Variants in PLEKHH2 observed in about 807,000 individuals in gnomAD.
The protein encoded by PLEKHH2 is pleckstrin homology, MyTH4 and FERM domain containing H2.
A neutral mutation model predicts 187.9 loss-of-function variants in PLEKHH2; 129 were observed. That is an observed-to-expected ratio of 0.69 (90% CI 0.59 to 0.79). The LOEUF (loss-of-function observed/expected upper bound fraction) is 0.79. Ranked by LOEUF, PLEKHH2 falls within the 30% of genes least tolerant of loss-of-function variation. The probability of loss-of-function intolerance (pLI) is 0.00; values close to 1 mark genes in which losing one functional copy is unlikely to be tolerated. For missense variants in PLEKHH2, 2,076 were observed against 1,751.2 expected, an observed-to-expected ratio of 1.19 and a Z score of -3.31; for synonymous variants, 686 against 605.6, an observed-to-expected ratio of 1.13 and a Z score of -1.95.
intron 10 of PLEKHH2, among the ~76,000 whole-genome samples, chr2:43,707,196 C>CAAAA (rs60819579): frequency 0.27 from 24,064 of 87,538 alleles, 3,593 homozygotes; most frequent in African/African-American, 0.39. Flanking sequence ...GACTCCACCT[C>CAAAA]AAAAAAAAAA....
chr2:43,658,178 T>C (rs1666886410), intron 2 of PLEKHH2, among the ~76,000 whole-genome samples: 2 of 152,244 alleles, frequency 1.3e-5, no homozygotes, highest in African/African-American at 4.8e-5. Flanking sequence ...TCTTTCAGCA[T>C]AATTGTGCTA....
At chr2:43,725,785 G>A (rs1670707959) in intron 16 of PLEKHH2, among the ~76,000 whole-genome samples, 1 of 152,044 alleles carries the variant, frequency 6.6e-6, no homozygotes, top group South Asian at 2.1e-4. Context: ...TTACACTGTG[G>A]ATAATCAAAT....
chr2:43,700,905 C>T (rs1669332077), intron 8 of PLEKHH2, among the ~76,000 whole-genome samples: 3 of 152,198 alleles, frequency 2.0e-5, no homozygotes, highest in Admixed American at 6.5e-5. Flanking sequence ...CTGCCTTTGC[C>T]TCCCAAAGTG....
At chr2:43,683,652 T>A (rs6544687) in intron 3 of PLEKHH2, among the ~76,000 whole-genome samples, 91,879 of 151,864 alleles carry the variant, frequency 0.61, 29,061 homozygotes, top group African/African-American at 0.78. Context: ...AAGCTCCTCT[T>A]CCCCTATATT....
intron 7 of PLEKHH2, among the ~76,000 whole-genome samples, chr2:43,697,881 A>G (rs913447782): frequency 6.6e-6 from 1 of 152,126 alleles, no homozygotes; most frequent in Non-Finnish European, 1.5e-5. Flanking sequence ...CAAGAGGAAA[A>G]TGTTTTCCTA....
intron 3 of PLEKHH2, among the ~76,000 whole-genome samples, chr2:43,688,577 A>G (rs1355899974): frequency 6.6e-6 from 1 of 152,218 alleles, no homozygotes; most frequent in African/African-American, 2.4e-5. Flanking sequence ...GCTTTCTCCT[A>G]TGGAAAATAG....
At chr2:43,648,000 C>T (rs1218948010) in intron 2 of PLEKHH2, among the ~76,000 whole-genome samples, 3 of 152,134 alleles carry the variant, frequency 2.0e-5, no homozygotes, top group Non-Finnish European at 4.4e-5. Context: ...TGTTATTATC[C>T]TCAATCTAGA....
At position 43,738,377 on chromosome 2, in the gene PLEKHH2, C is replaced by T. The variant is rs764929682; in HGVS notation, c.2980C>T (p.Pro994Ser). Residue 994 changes from proline (P) to serine (S), a missense_variant, in exon 20 of 30, where the codon CCT (proline) becomes TCT (serine). Transcript: ENST00000282406. ...QLFINAAVDS[P>S]AIDYHISLAQ... ...TTTTATAAATGCTGCAGTTGACTCTCCTGCAATTGATTACCACATATCTTT... is the reference window on the plus strand; with the variant it reads ...TTTTATAAATGCTGCAGTTGACTCTTCTGCAATTGATTACCACATATCTTT... 1 of 1,612,822 alleles carries T rather than the reference C, an allele frequency of 6.2e-7. No homozygotes were observed. Among genetic ancestry groups the T allele is most frequent in the Non-Finnish European group, 8.5e-7 (1 of 1,179,118 alleles).
intron 15 of PLEKHH2, among the ~76,000 whole-genome samples, chr2:43,714,118 T>C (rs1435493666): frequency 1.3e-5 from 2 of 152,228 alleles, no homozygotes; most frequent in Non-Finnish European, 2.9e-5. Flanking sequence ...TGAGCTATGC[T>C]CTTGTTTCAA....
At chr2:43,710,893 G>T in intron 14 of PLEKHH2, 2 of 1,102,838 alleles carry the variant, frequency 1.8e-6, no homozygotes, top group East Asian at 6.4e-5. Context: ...TCTGGTAAAT[G>T]AATTCTCAAT....
intron 8 of PLEKHH2, among the ~76,000 whole-genome samples, chr2:43,702,193 A>G (rs972487210): frequency 6.6e-6 from 1 of 152,174 alleles, no homozygotes; most frequent in African/African-American, 2.4e-5. Flanking sequence ...TTCTTTTATT[A>G]CTATATTTTT....
At chr2:43,711,452 G>A (rs541196738) in intron 14 of PLEKHH2, 40 of 971,548 alleles carry the variant, frequency 4.1e-5, no homozygotes, top group South Asian at 3.8e-4. Context: ...TCACATGTTC[G>A]TTCCAATAAT....
In PLEKHH2 at chr2:43,757,126, T is replaced by C. The variant is rs181930854; in HGVS notation, c.3803T>C (p.Ile1268Thr). The C allele has an allele frequency of 6.3e-7, 1 of 1,578,344 alleles. No homozygotes were observed. Reference protein sequence around the residue: ...EMAALLSQVEIGDFERPFSTP... With the variant: ...EMAALLSQVETGDFERPFSTP... ...TTGTGGATTTCCAATTAGGTAGAGA[T>C]TGGAGATTTTGAAAGACCTTTCTCA... The change falls in exon 26 of 30, where the codon ATT (isoleucine) becomes ACT (threonine). Residue 1268 changes from isoleucine (I) to threonine (T), a missense_variant. Transcript: ENST00000282406.
chr2:43,687,470 C>T (rs1668577759), intron 3 of PLEKHH2, among the ~76,000 whole-genome samples: 1 of 152,142 alleles, frequency 6.6e-6, no homozygotes, highest in African/African-American at 2.4e-5. Flanking sequence ...GTGCATGTGT[C>T]TTTTTGGTAG....
intron 3 of PLEKHH2, among the ~76,000 whole-genome samples, chr2:43,681,983 A>G (rs189578169): frequency 6.6e-6 from 1 of 152,298 alleles, no homozygotes; most frequent in African/African-American, 2.4e-5. Context: ...AGTAGAGAAA[A>G]TAGTATAGTG....
intron 11 of PLEKHH2, among the ~76,000 whole-genome samples, chr2:43,708,238 A>G (rs1669760759): frequency 1.3e-5 from 2 of 152,164 alleles, no homozygotes; most frequent in Admixed American, 1.3e-4. Context: ...TCAGGTTATG[A>G]CACACTTTTG....
At position 43,656,179 on chromosome 2, in the gene PLEKHH2, A is replaced by G. The variant is rs1456806436; in HGVS notation, c.123+11383A>G. On this transcript the variant is annotated intron_variant, in intron 2 of 29. Coordinates refer to ENST00000282406, the MANE Select transcript of PLEKHH2 (RefSeq NM_172069.4). The stretch of plus-strand genomic sequence containing the variant: ...GCCATGTTGGCCAGGTTGGTCTCGA[A>G]CTCCTGACCTCAAGTGATCTGCCCG... 4.6e-5 allele frequency among the ~76,000 whole-genome samples: 7 copies of G among 151,904 alleles called. 1 individual carries two copies. The highest frequency in any genetic ancestry group is 1.7e-4 in the African/African-American group (7 of 41,362).
At chr2:43,678,737 A>AGTGGAGGTGGAGGTGGAGGTGGAG in intron 2 of PLEKHH2, 126 bp from the exon 3 acceptor site, 2 of 412,304 alleles carry the variant, frequency 4.9e-6, no homozygotes, top group South Asian at 2.8e-5. Flanking sequence ...TAGAGGTGGA[A>AGTGGAGGTGGAGGTGGAGGTGGAG]GTGGAGGTGG....
chr2:43,681,753 G>A (rs987088613), intron 3 of PLEKHH2: 11 of 461,284 alleles, frequency 2.4e-5, no homozygotes, highest in African/African-American at 1.8e-4. Context: ...TCAGTTTCGG[G>A]TCTGAGAGCC....
Sources: gnomAD v4.1 joint callset for allele counts (sites outside exome capture counted in the v4.1 genomes callset) on GRCh38, gnomAD v4.1.1 for gene constraint, MANE v1.5 for transcripts, NCBI Gene and HGNC (gene_info 2026-07-23, HGNC 2026-07-21) for gene names.